Variants in XAF1 observed in about 807,000 individuals in gnomAD.
XAF1 encodes XIAP-associated factor 1.
XAF1 carries 32 observed loss-of-function variants against 32.3 expected under a neutral mutation model. The observed-to-expected ratio is 0.99, with a 90% CI of 0.75 to 1.33. XAF1 has a LOEUF of 1.33. Among genes scored for constraint, XAF1 ranks in the 40% most tolerant of loss-of-function variants. The probability of loss-of-function intolerance (pLI) is 0.00; values close to 1 mark genes in which losing one functional copy is unlikely to be tolerated. For missense variants in XAF1, 379 were observed against 366.0 expected (o/e 1.04, Z -0.29); for synonymous variants, 120 against 125.9 (o/e 0.95, Z 0.31).
chr17:6,772,818 C>A, intron 6 of XAF1: 1 of 281,830 alleles, frequency 3.5e-6, no homozygotes. Flanking sequence ...CAAGGAAATC[C>A]CTACAAACAA....
At chr17:6,757,633 T>C (rs1193255642) in intron 1 of XAF1, among the ~76,000 whole-genome samples, 1 of 152,250 alleles carries the variant, frequency 6.6e-6, no homozygotes, top group Non-Finnish European at 1.5e-5. Flanking sequence ...AATTTAATTA[T>C]TTACATTATT....
At chr17:6,757,627 T>G (rs963841588) in intron 1 of XAF1, among the ~76,000 whole-genome samples, 3 of 152,270 alleles carry the variant, frequency 2.0e-5, no homozygotes, top group African/African-American at 7.2e-5. Context: ...TGAAATAATT[T>G]AATTATTTAC....
intron 1 of XAF1, among the ~76,000 whole-genome samples, chr17:6,757,192 G>A (rs1387190422): frequency 2.6e-5 from 4 of 152,086 alleles, no homozygotes; most frequent in African/African-American, 4.8e-5. Flanking sequence ...TAGTAGAGAT[G>A]AGGTTTCACC....
chr17:6,761,498 T>C (rs1358874674), intron 4 of XAF1, among the ~76,000 whole-genome samples: 2 of 152,192 alleles, frequency 1.3e-5, no homozygotes, highest in Admixed American at 1.3e-4. Context: ...CAACCATCAG[T>C]GTGACAGATC....
At position 6,763,120 on chromosome 17, in the gene XAF1, A is replaced by C. The variant is rs192187691; in HGVS notation, c.507+880A>C. Among the ~76,000 whole-genome samples, 1,003 of 152,320 alleles carry C rather than the reference A, an allele frequency of 6.6e-3. 12 individuals are homozygous for C. Among genetic ancestry groups the C allele is most frequent in the African/African-American group, 0.023 (950 of 41,566 alleles). ...TCCTATACCCATTAGCAGGTACTGT[A>C]CATTCCCTCATCTTCCCAGTTCCTG... On this transcript the variant is annotated intron_variant, in intron 5 of 6. Transcript: ENST00000361842.
chr17:6,773,475 C>A lies in XAF1; in HGVS notation c.*306C>A, dbSNP rs901029214. On this transcript the variant is annotated 3_prime_UTR_variant, in exon 7 of 7. Coordinates refer to ENST00000361842, the MANE Select transcript of XAF1 (RefSeq NM_017523.5). The stretch of plus-strand genomic sequence containing the variant: ...CACAGCCAACATCATACTGAATGAG[C>A]AAAAGCTGGAGCATTACTCTTGAGA... 1 of 287,484 alleles carries A rather than the reference C, an allele frequency of 3.5e-6. No individual in the cohort carries two copies. Among genetic ancestry groups the A allele is most frequent in the African/African-American group, 2.3e-5 (1 of 44,006 alleles). The allele number at this position is 287,484 out of a possible 1,614,324, so 17.8% of individuals were successfully genotyped here.
At chr17:6,765,246 T>C (rs1975515462) in intron 5 of XAF1, among the ~76,000 whole-genome samples, 1 of 152,080 alleles carries the variant, frequency 6.6e-6, no homozygotes, top group African/African-American at 2.4e-5. Flanking sequence ...CTCTCGTCTC[T>C]ACTAAAAATA....
At chr17:6,768,423 G>T (rs1263602569) in intron 5 of XAF1, among the ~76,000 whole-genome samples, 4 of 152,002 alleles carry the variant, frequency 2.6e-5, no homozygotes, top group Admixed American at 6.6e-5. Context: ...GTGCCCGGCT[G>T]GATATACTCA....
intron 1 of XAF1, 61 bp from the exon 2 acceptor site, chr17:6,758,028 C>G: frequency 6.2e-7 from 1 of 1,608,880 alleles, no homozygotes; most frequent in Non-Finnish European, 8.5e-7. Context: ...TGAAATACAG[C>G]TCCATGTTTT....
chr17:6,763,837 G>GC (rs1459106115), intron 5 of XAF1, among the ~76,000 whole-genome samples: 1 of 152,196 alleles, frequency 6.6e-6, no homozygotes, highest in Non-Finnish European at 1.5e-5. Flanking sequence ...CGCTGCCCCA[G>GC]CCACGGGATT....
chr17:6,770,762 T>C lies in XAF1; in HGVS notation c.627T>C (p.Asp209=), dbSNP rs762418644. 3.1e-6 allele frequency: 5 copies of C among 1,614,092 alleles called. No homozygotes were observed. Among genetic ancestry groups the C allele is most frequent in the East Asian group, 2.2e-5 (1 of 44,882 alleles). The stretch of plus-strand genomic sequence containing the variant: ...ATCAAACTTCCACGATGGAGAAAGA[T>C]GTTCGTCCAAAGACAAGAAGTATAA... The part of the protein sequence containing the change: ...AENQTSTMEK[D]VRPKTRSINR... The change falls in exon 6 of 7, where the codon GAT becomes GAC. Residue 209 remains aspartate (D), a synonymous_variant. Transcript: ENST00000361842.
chr17:6,773,211 T>G lies in XAF1; in HGVS notation c.*42T>G, dbSNP rs770373518. The G allele has an allele frequency of 6.5e-7, 1 of 1,549,386 alleles. No individual in the cohort carries two copies. Among genetic ancestry groups the G allele is most frequent in the Admixed American group, 1.9e-5 (1 of 52,554 alleles). On this transcript the variant is annotated 3_prime_UTR_variant, in exon 7 of 7. Transcript: ENST00000361842. ...GTACTACAAATTCAAAAGATTTCAC[T>G]TTTAACACTGGCATTCCTGCCTACT...
rs756867937 is a variant in XAF1, at chr17:6,758,203, C to G, written c.147C>G (p.His49Gln). The change falls in exon 2 of 7, where the codon CAC becomes CAG. Residue 49 changes from histidine (H) to glutamine (Q), a missense_variant. Physicochemically the swap from His to Gln is conservative, Grantham distance 24. Transcript: ENST00000361842. ...TCCCCAAGGAAACCATGGAGGAGCA[C>G]TGCAAGCTTGAGCACCAGCAGGTGA... ...EPVPKETMEE[H>Q]CKLEHQQVGC... is the part of the protein sequence containing the mutation. The G allele has an allele frequency of 6.2e-6, 10 of 1,614,104 alleles. No homozygotes were observed. Among genetic ancestry groups the G allele is most frequent in the Admixed American group, 1.7e-5 (1 of 60,002 alleles).
rs1976299218 is a variant in XAF1, at chr17:6,774,676, C to A, written c.*1507C>A. ...ATAAAGACATATATACACAAATGTT[C>A]ACGGCAGCACTATACACAATCGCAA... On this transcript the variant is annotated 3_prime_UTR_variant, in exon 7 of 7. Transcript: ENST00000361842. 1 of 152,124 alleles carries A rather than the reference C, an allele frequency of 6.6e-6. No homozygotes were observed. Among genetic ancestry groups the A allele is most frequent in the Non-Finnish European group, 1.5e-5 (1 of 68,026 alleles). The allele number at this position is 152,124 out of a possible 1,614,324, so 9.4% of individuals were successfully genotyped here.
At chr17:6,772,569 C>G (rs919727351) in intron 6 of XAF1, among the ~76,000 whole-genome samples, 4 of 145,976 alleles carry the variant, frequency 2.7e-5, no homozygotes, top group African/African-American at 1.0e-4. Context: ...CTCCCGGGTT[C>G]AAGCGATTCT....
At chr17:6,761,932 T>C in intron 4 of XAF1, 1 of 1,515,026 alleles carries the variant, frequency 6.6e-7, no homozygotes, top group Non-Finnish European at 8.8e-7. Context: ...CGGTTGCTGC[T>C]GCCCTGAGTG....
chr17:6,755,560 T>A (rs1160917354), upstream of XAF1: 1 of 1,000,774 alleles, frequency 1.0e-6, no homozygotes, highest in African/African-American at 1.7e-5. Flanking sequence ...CCACCCTGCA[T>A]CCCCAGAGCC....
intron 2 of XAF1, 101 bp downstream of exon 2, chr17:6,758,325 G>A: frequency 1.3e-6 from 2 of 1,516,124 alleles, no homozygotes; most frequent in East Asian, 2.5e-5. Context: ...CGAGGGTCTA[G>A]TCCTCCCTGC....
intron 5 of XAF1, among the ~76,000 whole-genome samples, chr17:6,766,429 A>C (rs888742220): frequency 2.6e-5 from 4 of 152,126 alleles, no homozygotes; most frequent in African/African-American, 9.7e-5. Context: ...CATATGTCTA[A>C]AGCACCTTCT....
Sources: gnomAD v4.1 joint callset for allele counts (sites outside exome capture counted in the v4.1 genomes callset) on GRCh38, gnomAD v4.1.1 for gene constraint, MANE v1.5 for transcripts, NCBI Gene and HGNC (gene_info 2026-07-23, HGNC 2026-07-21) for gene names.